TENM2: variants seen among roughly 807,000 people sequenced by gnomAD.
TENM2 encodes the protein teneurin transmembrane protein 2.
Under a neutral mutation model 245.2 loss-of-function variants are expected in TENM2, and 52 were observed. That is an observed-to-expected ratio of 0.21 (90% CI 0.17 to 0.27). The LOEUF (loss-of-function observed/expected upper bound fraction) is 0.27. TENM2 is among the 10% of genes least tolerant of loss of function. The probability of loss-of-function intolerance (pLI) is 1.00; values close to 1 mark genes in which losing one functional copy is unlikely to be tolerated. For missense variants in TENM2, 3,046 were observed against 3,666.8 expected, an observed-to-expected ratio of 0.83 and a Z score of 4.37; for synonymous variants, 1,363 against 1,438.9, an observed-to-expected ratio of 0.95 and a Z score of 1.19.
the TENM2 span, among the ~76,000 whole-genome samples, chr5:167,063,718 A>G: frequency 1.3e-5 from 2 of 152,206 alleles, no homozygotes; most frequent in African/African-American, 2.4e-5. Flanking sequence ...TCAGAAGCCA[A>G]ATGTGTAATT....
the TENM2 span, among the ~76,000 whole-genome samples, chr5:167,187,599 G>T: frequency 6.6e-6 from 1 of 151,920 alleles, no homozygotes; most frequent in Non-Finnish European, 1.5e-5. Flanking sequence ...TGTCACCTGG[G>T]GTCTCTCTCC....
At chr5:167,858,837 G>A (rs1165300366) in intron 2 of TENM2, among the ~76,000 whole-genome samples, 1 of 145,826 alleles carries the variant, frequency 6.9e-6, no homozygotes, top group East Asian at 2.0e-4. Flanking sequence ...AGCGGCTGGA[G>A]GAGCGGACGG....
chr5:167,919,389 C>T (rs1777184081), intron 3 of TENM2, among the ~76,000 whole-genome samples: 3 of 152,150 alleles, frequency 2.0e-5, no homozygotes. Context: ...CTGAATGCAG[C>T]TTGACTGGTT....
In TENM2 at chr5:167,417,597, T is replaced by C. The variant is rs371968384; in HGVS notation, c.502+42124T>C. 2.3e-3 allele frequency among the ~76,000 whole-genome samples: 356 copies of C among 152,304 alleles called. 2 individuals carry two copies. Among genetic ancestry groups the C allele is most frequent in the South Asian group, 0.013 (64 of 4,814 alleles). On this transcript the variant is annotated intron_variant, in intron 2 of 28. Coordinates refer to ENST00000518659, the Ensembl canonical transcript of TENM2. The stretch of plus-strand genomic sequence containing the variant: ...ATTTATAAATTTTTGTGCCAGGTAC[T>C]GTGCTAAGTGCTTTCCATACATTAT...
chr5:168,148,115 G>A (rs916386396), intron 12 of TENM2, among the ~76,000 whole-genome samples: 2 of 152,188 alleles, frequency 1.3e-5, no homozygotes, highest in African/African-American at 4.8e-5. Context: ...GTGTACGTGT[G>A]GAAACTGCAG....
At chr5:167,278,631 G>A in the TENM2 span, among the ~76,000 whole-genome samples, 21 of 152,086 alleles carry the variant, frequency 1.4e-4, no homozygotes, top group South Asian at 4.2e-4. Context: ...TTGTACATAC[G>A]TATCTTATCA....
intron 2 of TENM2, among the ~76,000 whole-genome samples, chr5:167,708,777 T>C (rs1758707639): frequency 1.3e-5 from 2 of 152,190 alleles, no homozygotes; most frequent in East Asian, 3.8e-4. Flanking sequence ...GCCACAGAAT[T>C]GGAGTTGTTT....
At chr5:167,355,083 C>T (rs1172648502) in intron 1 of TENM2, among the ~76,000 whole-genome samples, 3 of 152,150 alleles carry the variant, frequency 2.0e-5, no homozygotes, top group African/African-American at 7.2e-5. Flanking sequence ...CTTATGAGAT[C>T]CCCAAAAGCA....
rs1760192342 is a variant in TENM2 at position 168,184,236 on chromosome 5, G to T, written c.2570-6101G>T. Among the ~76,000 whole-genome samples the T allele has an allele frequency of 2.0e-5, 3 of 152,222 alleles. No homozygotes were observed. In the South Asian group the frequency reaches 6.2e-4, roughly 31 times the overall value. On this transcript the variant is annotated intron_variant, in intron 13 of 28. Transcript: ENST00000518659. ...CCTGGCCCAATGAGTAGGAAAGGTA[G>T]ATTTGGTGCTTGGTGGTTCCTCTGT...
chr5:167,443,668 C>T (rs540521117), intron 2 of TENM2, among the ~76,000 whole-genome samples: 4 of 152,010 alleles, frequency 2.6e-5, no homozygotes, highest in Non-Finnish European at 5.9e-5. Context: ...TTTTGTTTGT[C>T]CTAAAAGAGG....
chr5:168,172,190 C>T (rs1758900199), intron 13 of TENM2, among the ~76,000 whole-genome samples: 1 of 152,118 alleles, frequency 6.6e-6, no homozygotes, highest in Non-Finnish European at 1.5e-5. Flanking sequence ...ATAGGAAAGC[C>T]CCAAATCAAA....
chr5:167,943,084 TTC>T (rs1561962766), intron 3 of TENM2, among the ~76,000 whole-genome samples: 1 of 152,248 alleles, frequency 6.6e-6, no homozygotes, highest in Non-Finnish European at 1.5e-5. Context: ...TTCAGCTGGC[TTC>T]TGTTTATATA....
In TENM2 at chr5:167,575,774, C is replaced by T. The variant is rs555960874; in HGVS notation, c.502+200301C>T. Among the ~76,000 whole-genome samples the T allele has an allele frequency of 4.6e-5, 7 of 152,210 alleles. No homozygotes were observed. In the South Asian group the frequency reaches 1.4e-3, roughly 32 times the overall value. ...ACTGCTGTCGAATGTTTGATGCAAT[C>T]GTGCTGGTGGTAGCATAGTGAGTTT... On this transcript the variant is annotated intron_variant, in intron 2 of 28. Transcript: ENST00000518659.
chr5:167,250,602 GAC>G, the TENM2 span, among the ~76,000 whole-genome samples: 1 of 152,060 alleles, frequency 6.6e-6, no homozygotes, highest in African/African-American at 2.4e-5. Flanking sequence ...AGACAAGAAA[GAC>G]AGTCTGACAG....
the TENM2 span, among the ~76,000 whole-genome samples, chr5:167,161,888 G>C: frequency 6.6e-6 from 1 of 152,072 alleles, no homozygotes; most frequent in Non-Finnish European, 1.5e-5. Context: ...TCCCTGGGAC[G>C]CCGGGTGCAG....
intron 2 of TENM2, among the ~76,000 whole-genome samples, chr5:167,396,556 A>G (rs1314238534): frequency 6.6e-6 from 1 of 152,152 alleles, no homozygotes; most frequent in African/African-American, 2.4e-5. Flanking sequence ...CAAGAGATGC[A>G]AAGCTGAGGA....
intron 7 of TENM2, among the ~76,000 whole-genome samples, chr5:168,090,172 A>G (rs1183189642): frequency 6.6e-6 from 1 of 151,690 alleles, no homozygotes; most frequent in Non-Finnish European, 1.5e-5. Flanking sequence ...TCTGTATTAC[A>G]TAATGCAGAG....
At chr5:167,373,708 A>G (rs1760577400) in intron 1 of TENM2, among the ~76,000 whole-genome samples, 1 of 152,202 alleles carries the variant, frequency 6.6e-6, no homozygotes, top group Admixed American at 6.5e-5. Flanking sequence ...AAGCAGCACA[A>G]GTTGGGAGTC....
the TENM2 span, among the ~76,000 whole-genome samples, chr5:167,118,204 A>T: frequency 0.027 from 4,125 of 152,298 alleles, 61 homozygotes; most frequent in East Asian, 0.084. Flanking sequence ...AGCCCTTTCT[A>T]TATTAGATTA....
Sources: gnomAD v4.1 joint callset for allele counts (sites outside exome capture counted in the v4.1 genomes callset) on GRCh38, gnomAD v4.1.1 for gene constraint, MANE v1.5 for transcripts, NCBI Gene and HGNC (gene_info 2026-07-23, HGNC 2026-07-21) for gene names.